Variants in ERBB4 observed in about 807,000 individuals in gnomAD.
ERBB4 encodes the protein receptor tyrosine-protein kinase erbB-4.
ERBB4 carries 42 observed loss-of-function variants against 158.0 expected under a neutral mutation model. That is an observed-to-expected ratio of 0.27 (90% CI 0.21 to 0.34). The LOEUF (loss-of-function observed/expected upper bound fraction) is 0.34. Ranked by LOEUF, ERBB4 falls within the 10% of genes least tolerant of loss-of-function variation. The pLI is 1.00. For synonymous variants in ERBB4, 583 were observed against 558.7 expected (o/e 1.04, Z -0.61); for missense variants, 1,333 against 1,624.1 (o/e 0.82, Z 3.08).
At chr2:211,960,847 C>G (rs1056836686) in intron 2 of ERBB4, 17 of 152,024 alleles carry the variant, frequency 1.1e-4, no homozygotes, top group Non-Finnish European at 2.2e-4. Flanking sequence ...GATTAGATAT[C>G]AGTCTGCATC....
At chr2:212,346,253 C>T (rs753005924) in intron 1 of ERBB4, among the ~76,000 whole-genome samples, 2 of 152,080 alleles carry the variant, frequency 1.3e-5, no homozygotes, top group Non-Finnish European at 2.9e-5. Flanking sequence ...AACAGATGTG[C>T]TGTATCTATG....
At chr2:212,182,488 G>A (rs896373805) in intron 1 of ERBB4, among the ~76,000 whole-genome samples, 5 of 151,702 alleles carry the variant, frequency 3.3e-5, no homozygotes, top group Non-Finnish European at 7.4e-5. Context: ...AACTTCCTAG[G>A]GATGTAAATG....
rs1553551374 is a variant in ERBB4 at position 211,505,973 on chromosome 2, A to AAAAAT, written c.2487+55929_2487+55930insATTTT. ...AGACTCCATCTCAAAAAAAAAAAAA[A>AAAAAT]AAAGTTATAGACAGGTAAACTGGAT... is the stretch of plus-strand genomic sequence containing the variant. On this transcript the variant is annotated intron_variant, in intron 20 of 27. Transcript: ENST00000342788. Among the ~76,000 whole-genome samples, 292 of 151,794 alleles carry AAAAAT rather than the reference A, an allele frequency of 1.9e-3. 4 individuals carry two copies. The highest frequency in any genetic ancestry group is 0.014 in the Middle Eastern group (4 of 292).
chr2:211,887,468 C>T (rs6727114), intron 3 of ERBB4, among the ~76,000 whole-genome samples: 35,057 of 152,072 alleles, frequency 0.23, 4,933 homozygotes, highest in East Asian at 0.39. Context: ...TTTCATTCAC[C>T]TCCTCAAAAA....
At chr2:212,145,541 T>C (rs1426009015) in intron 1 of ERBB4, among the ~76,000 whole-genome samples, 1 of 152,098 alleles carries the variant, frequency 6.6e-6, no homozygotes, top group Non-Finnish European at 1.5e-5. Flanking sequence ...AAGACTTTTC[T>C]ACATATTGCT....
chr2:211,848,346 G>C (rs1245142842), intron 3 of ERBB4, among the ~76,000 whole-genome samples: 1 of 152,032 alleles, frequency 6.6e-6, no homozygotes, highest in Non-Finnish European at 1.5e-5. Context: ...AAACTTGCAA[G>C]TAATATGGTG....
At position 212,458,185 on chromosome 2, in the gene ERBB4, A is replaced by G. The variant is rs563226805; in HGVS notation, c.82+80264T>C. Among the ~76,000 whole-genome samples the G allele has an allele frequency of 9.2e-5, 14 of 152,228 alleles. No individual in the cohort carries two copies. In the South Asian group the frequency reaches 1.7e-3, roughly 18 times the overall value. ...ACAAAGCAGAAACATTGGAAAGCAA[A>G]TGAGTGGAGCAGGAGAGAATGATTA... is the stretch of plus-strand genomic sequence containing the variant. On this transcript the variant is annotated intron_variant, in intron 1 of 27. Transcript: ENST00000342788.
At chr2:212,404,446 G>C (rs75058210) in intron 1 of ERBB4, among the ~76,000 whole-genome samples, 2 of 151,868 alleles carry the variant, frequency 1.3e-5, no homozygotes, top group Non-Finnish European at 2.9e-5. Flanking sequence ...ATATTTTTGA[G>C]CAATGACTAT....
At chr2:212,308,346 T>A (rs2086892132) in intron 1 of ERBB4, among the ~76,000 whole-genome samples, 1 of 151,140 alleles carries the variant, frequency 6.6e-6, no homozygotes, top group South Asian at 2.1e-4. Flanking sequence ...GAATCCTGAA[T>A]GTATAACACT....
At chr2:212,233,950 T>C (rs969577511) in intron 1 of ERBB4, among the ~76,000 whole-genome samples, 7 of 145,158 alleles carry the variant, frequency 4.8e-5, no homozygotes, top group African/African-American at 1.8e-4. Context: ...TTTGTATATG[T>C]CTCTTTGCAT....
At chr2:212,094,582 A>T (rs1005371248) in intron 2 of ERBB4, among the ~76,000 whole-genome samples, 4 of 151,940 alleles carry the variant, frequency 2.6e-5, no homozygotes, top group African/African-American at 7.2e-5. Context: ...AATAAAAAAA[A>T]AAAGAACCTG....
intron 12 of ERBB4, among the ~76,000 whole-genome samples, chr2:211,695,204 A>G (rs956988504): frequency 1.3e-5 from 2 of 152,172 alleles, no homozygotes; most frequent in Non-Finnish European, 2.9e-5. Context: ...GCCTGCTTCA[A>G]TTCTGGACTC....
At chr2:211,740,996 A>C (rs1336302189) in intron 5 of ERBB4, among the ~76,000 whole-genome samples, 1 of 152,216 alleles carries the variant, frequency 6.6e-6, no homozygotes. Flanking sequence ...TTTAAGGAGA[A>C]TATCTTTCTT....
intron 15 of ERBB4, chr2:211,658,069 G>T: frequency 2.9e-6 from 3 of 1,035,338 alleles, no homozygotes; most frequent in Non-Finnish European, 4.3e-6. Context: ...AATAAATATT[G>T]ATTGTCTCGA....
At chr2:212,178,114 A>G (rs1454097497) in intron 1 of ERBB4, among the ~76,000 whole-genome samples, 2 of 151,692 alleles carry the variant, frequency 1.3e-5, no homozygotes, top group African/African-American at 4.8e-5. Flanking sequence ...CCGAAATATA[A>G]GAGGATGCTT....
chr2:212,246,666 C>G (rs1375459567), intron 1 of ERBB4, among the ~76,000 whole-genome samples: 2 of 151,924 alleles, frequency 1.3e-5, no homozygotes, highest in African/African-American at 2.4e-5. Flanking sequence ...CCAGAAAGGG[C>G]CTTATGAAGA....
intron 1 of ERBB4, among the ~76,000 whole-genome samples, chr2:212,183,660 C>T (rs2081937816): frequency 2.0e-5 from 3 of 151,950 alleles, no homozygotes; most frequent in African/African-American, 4.8e-5. Flanking sequence ...TTTTGCTACA[C>T]TTTCAGTTAA....
Position 211,929,716 on chromosome 2 carries a change from A to C in ERBB4, c.421+17714T>G, listed in dbSNP as rs560964164. ...TGAATAGAGAAATAGAATTATAACAATTTGAGTGTGTTTCTCTTTGGATGT... is the reference window on the plus strand; with the variant it reads ...TGAATAGAGAAATAGAATTATAACACTTTGAGTGTGTTTCTCTTTGGATGT... On this transcript the variant is annotated intron_variant, in intron 3 of 27. Transcript: ENST00000342788. 1.5e-3 allele frequency among the ~76,000 whole-genome samples: 235 copies of C among 152,314 alleles called. 2 individuals are homozygous for C. The highest frequency in any genetic ancestry group is 3.4e-3 in the Middle Eastern group (1 of 294).
At chr2:211,475,971 A>G (rs2064943234) in intron 20 of ERBB4, among the ~76,000 whole-genome samples, 1 of 152,116 alleles carries the variant, frequency 6.6e-6, no homozygotes, top group African/African-American at 2.4e-5. Flanking sequence ...CATCAAGAAA[A>G]ATAACAAATA....
Sources: allele counts gnomAD v4.1 joint callset (sites outside exome capture counted in the v4.1 genomes callset), GRCh38; gene constraint gnomAD v4.1.1; transcripts MANE v1.5; gene names NCBI Gene and HGNC (gene_info 2026-07-23, HGNC 2026-07-21).